ADAMTS2: variants seen among roughly 807,000 people sequenced by gnomAD.
ADAMTS2 encodes the protein ADAM metallopeptidase with thrombospondin type 1 motif 2.
Under a neutral mutation model 123.0 loss-of-function variants are expected in ADAMTS2, and 50 were observed. That is an observed-to-expected ratio of 0.41 (90% CI 0.32 to 0.51). The LOEUF is 0.51. Among genes scored for constraint, ADAMTS2 ranks in the 20% least tolerant of loss-of-function variants. ADAMTS2 has a pLI of 0.35. For missense variants in ADAMTS2, 1,494 were observed against 1,705.2 expected (o/e 0.88, Z 2.18); for synonymous variants, 678 against 695.4 (o/e 0.98, Z 0.39).
chr5:179,314,855 G>A lies in ADAMTS2; in HGVS notation c.534+28912C>T, dbSNP rs1427389527. On this transcript the variant is annotated intron_variant, in intron 2 of 21. Coordinates refer to ENST00000251582, the MANE Select transcript of ADAMTS2 (RefSeq NM_014244.5). The surrounding 1 kb of genome is among the most constrained non-coding windows in gnomAD (Gnocchi z 4.5). ...GCCAGGCCCAACCAAGAGCTGCAAG[G>A]GACATAGGAATGTCCCTTAGCATGG... Among the ~76,000 whole-genome samples, 1 of 152,070 alleles carries A rather than the reference G, an allele frequency of 6.6e-6. No homozygotes were observed. Among genetic ancestry groups the A allele is most frequent in the Admixed American group, 6.6e-5 (1 of 15,262 alleles).
chr5:179,322,372 G>C (rs1757209376), intron 2 of ADAMTS2, among the ~76,000 whole-genome samples: 2 of 152,156 alleles, frequency 1.3e-5, no homozygotes, highest in Admixed American at 1.3e-4. Flanking sequence ...TGAAAGTGCA[G>C]AGAAGTGAAA....
chr5:179,303,367 T>C lies in ADAMTS2; in HGVS notation c.535-30303A>G, dbSNP rs1756583989. On this transcript the variant is annotated intron_variant, in intron 2 of 21. Transcript: ENST00000251582. The surrounding 1 kb of genome is among the most constrained non-coding windows in gnomAD (Gnocchi z 4.7). ...CCCCCACTGCCTGCAGCCACCCAAA[T>C]GCACTGGATTCATGAGCAGCTAGCT... is the stretch of plus-strand genomic sequence containing the variant. 6.6e-6 allele frequency among the ~76,000 whole-genome samples: 1 copy of C among 152,128 alleles called. No individual in the cohort carries two copies. Among genetic ancestry groups the C allele is most frequent in the African/African-American group, 2.4e-5 (1 of 41,420 alleles).
intron 10 of ADAMTS2, among the ~76,000 whole-genome samples, chr5:179,145,630 A>G (rs1763237969): frequency 6.6e-6 from 1 of 152,196 alleles, no homozygotes; most frequent in Admixed American, 6.5e-5. Context: ...GTATGATTCC[A>G]TTGATATGAA....
At chr5:179,190,997 C>G (rs1484607705) in intron 4 of ADAMTS2, among the ~76,000 whole-genome samples, 1 of 152,262 alleles carries the variant, frequency 6.6e-6, no homozygotes, top group Non-Finnish European at 1.5e-5. Context: ...TTTGGGGAAA[C>G]AACAGCCATG....
In ADAMTS2 at chr5:179,162,765, G is replaced by A. The variant is rs980452537; in HGVS notation, c.976-3886C>T. 1.3e-5 allele frequency among the ~76,000 whole-genome samples: 2 copies of A among 152,366 alleles called. No homozygotes were observed. The highest frequency in any genetic ancestry group is 3.4e-3 in the Middle Eastern group (1 of 294). ...ATCACGAAGGCTGCCTGCCACTGAC[G>A]GGTGTCATTTATGCCTGAAGAAGTT... On this transcript the variant is annotated intron_variant, in intron 5 of 21. Transcript: ENST00000251582. This position sits in a 1 kb window ranked among gnomAD's most constrained non-coding sequence, Gnocchi z 5.1.
chr5:179,122,257 G>C (rs1392370413), intron 20 of ADAMTS2, among the ~76,000 whole-genome samples: 3 of 152,166 alleles, frequency 2.0e-5, no homozygotes, highest in Non-Finnish European at 2.9e-5. Flanking sequence ...TATAGCGTTT[G>C]GACAGGCATC....
intron 5 of ADAMTS2, among the ~76,000 whole-genome samples, chr5:179,178,725 A>C (rs574170406): frequency 7.2e-5 from 11 of 151,938 alleles, no homozygotes; most frequent in Non-Finnish European, 1.5e-4. Flanking sequence ...CTTTTTCTGA[A>C]CTATTTCCTT....
intron 12 of ADAMTS2, among the ~76,000 whole-genome samples, chr5:179,137,114 G>C (rs1763078926): frequency 6.6e-6 from 1 of 152,228 alleles, no homozygotes; most frequent in African/African-American, 2.4e-5. Flanking sequence ...CCCCCAGACT[G>C]TGGCCTCCGC....
chr5:179,192,585 G>A lies in ADAMTS2; in HGVS notation c.892-11430C>T, dbSNP rs928337356. Among the ~76,000 whole-genome samples, 19 of 152,238 alleles carry A rather than the reference G, an allele frequency of 1.2e-4. 1 individual carries two copies. The highest frequency in any genetic ancestry group is 6.2e-4 in the South Asian group (3 of 4,828). On this transcript the variant is annotated intron_variant, in intron 4 of 21. Transcript: ENST00000251582. ...CGAATTATTGGAAGCACAAGGGTCC[G>A]TGATCACTTCTGCTCAGGATCAGAA...
rs998235892 is a variant in ADAMTS2, at chr5:179,175,942, G to A, written c.975+5130C>T. Among the ~76,000 whole-genome samples, 1 of 151,928 alleles carries A rather than the reference G, an allele frequency of 6.6e-6. No homozygotes were observed. Among genetic ancestry groups the A allele is most frequent in the Non-Finnish European group, 1.5e-5 (1 of 67,988 alleles). On this transcript the variant is annotated intron_variant, in intron 5 of 21. Coordinates refer to ENST00000251582, the MANE Select transcript of ADAMTS2 (RefSeq NM_014244.5). This position sits in a 1 kb window ranked among gnomAD's most constrained non-coding sequence, Gnocchi z 4.1. ...TGGAGAAAGTTTTCAGAGACCACCT[G>A]TACTGCTCGGACTCTCGGAGGTACA...
intron 5 of ADAMTS2, among the ~76,000 whole-genome samples, chr5:179,166,880 C>T (rs1295790594): frequency 6.6e-6 from 1 of 152,234 alleles, no homozygotes; most frequent in African/African-American, 2.4e-5. Flanking sequence ...CCGGCTTCTG[C>T]TCTCCATGCC....
At chr5:179,191,111 G>A (rs1055858353) in intron 4 of ADAMTS2, among the ~76,000 whole-genome samples, 8 of 152,396 alleles carry the variant, frequency 5.2e-5, no homozygotes, top group African/African-American at 9.6e-5. Context: ...GCTGCAGGAC[G>A]CAGAAGGACA....
intron 3 of ADAMTS2, among the ~76,000 whole-genome samples, chr5:179,237,090 A>G (rs1384609346): frequency 6.6e-6 from 1 of 152,006 alleles, no homozygotes; most frequent in Non-Finnish European, 1.5e-5. Flanking sequence ...CCTCATCACT[A>G]CAAAAACTAA....
chr5:179,177,021 C>A (rs758022445), intron 5 of ADAMTS2, among the ~76,000 whole-genome samples: 1 of 152,182 alleles, frequency 6.6e-6, no homozygotes, highest in African/African-American at 2.4e-5. Flanking sequence ...GCCTGACCCG[C>A]GTCTCCTCCA....
intron 6 of ADAMTS2, among the ~76,000 whole-genome samples, chr5:179,157,573 A>G (rs1384794400): frequency 1.3e-5 from 2 of 149,896 alleles, no homozygotes; most frequent in Non-Finnish European, 3.0e-5. Flanking sequence ...GCTGGAGTGC[A>G]GTGGTGTGAT....
chr5:179,174,763 C>G (rs1276314582), intron 5 of ADAMTS2, among the ~76,000 whole-genome samples: 1 of 152,218 alleles, frequency 6.6e-6, no homozygotes, highest in Non-Finnish European at 1.5e-5. Flanking sequence ...CCACAGCTGT[C>G]TCGGCCATTC....
At position 179,132,718 on chromosome 5, in the gene ADAMTS2, C is replaced by A; in HGVS notation, c.2209+59G>T. On this transcript the variant is annotated intron_variant, in intron 14 of 21. Coordinates refer to ENST00000251582, the MANE Select transcript of ADAMTS2 (RefSeq NM_014244.5). The surrounding 1 kb of genome is among the most constrained non-coding windows in gnomAD (Gnocchi z 6.1). Reference sequence around the variant, plus strand: ...AGGATGAGTCAGGCCCTCAGCTGTCCGGGCATGAGCCTGCTGCAGGCATCC... The same window carrying A: ...AGGATGAGTCAGGCCCTCAGCTGTCAGGGCATGAGCCTGCTGCAGGCATCC... 6.2e-7 allele frequency: 1 copy of A among 1,611,764 alleles called. No homozygotes were observed. The highest frequency in any genetic ancestry group is 8.5e-7 in the Non-Finnish European group (1 of 1,178,384).
chr5:179,292,292 G>C (rs563767753), intron 2 of ADAMTS2, among the ~76,000 whole-genome samples: 88 of 151,000 alleles, frequency 5.8e-4, no homozygotes, highest in African/African-American at 2.1e-3. Flanking sequence ...ACACAAACAG[G>C]TTCCAAAGAG....
At chr5:179,301,578 C>T (rs1345425040) in intron 2 of ADAMTS2, among the ~76,000 whole-genome samples, 1 of 152,236 alleles carries the variant, frequency 6.6e-6, no homozygotes, top group Non-Finnish European at 1.5e-5. Flanking sequence ...TGAGGGCTGC[C>T]CTGTGGCGCC....
Sources: gnomAD v4.1 joint callset for allele counts (sites outside exome capture counted in the v4.1 genomes callset) on GRCh38, gnomAD v4.1.1 for gene constraint, Gnocchi (gnomAD v3.1) non-coding constraint, MANE v1.5 for transcripts, NCBI Gene and HGNC (gene_info 2026-07-23, HGNC 2026-07-21) for gene names.